The following ARMCX4 variants were observed in gnomAD, a reference collection of about 807,000 sequenced individuals.
ARMCX4 encodes armadillo repeat containing X-linked 4, also known as armadillo repeat-containing X-linked protein 4.
A neutral mutation model predicts 34.7 loss-of-function variants in ARMCX4; 3 were observed. The ratio of observed to expected loss-of-function variants is 0.09; its 90% CI spans 0.04 to 0.22. The LOEUF is 0.22. Among genes scored for constraint, ARMCX4 ranks in the 10% least tolerant of loss-of-function variants. The pLI, the probability that ARMCX4 is intolerant of heterozygous loss-of-function variation, is 1.00. For synonymous variants in ARMCX4, 513 were observed against 632.8 expected (o/e 0.81, Z 2.84); for missense variants, 1,448 against 1,720.8 (o/e 0.84, Z 2.81).
At chrX:101,530,935 G>A (rs935343823) in intron 11 of ARMCX4, among the ~76,000 whole-genome samples, 2 of 112,062 alleles carry the variant, frequency 1.8e-5, no homozygotes, top group Non-Finnish European at 3.8e-5. Flanking sequence ...TGTTACACTA[G>A]TTTCCTACTG....
intron 2 of ARMCX4, among the ~76,000 whole-genome samples, chrX:101,436,785 C>CATAG (rs1436873855): frequency 1.8e-5 from 2 of 111,409 alleles, no homozygotes; most frequent in African/African-American, 6.5e-5. Context: ...GTGGGTTTGC[C>CATAG]ATAGATAGCT....
At chrX:101,534,818 G>T (rs1935193274), downstream of ARMCX4, among the ~76,000 whole-genome samples, 2 of 111,637 alleles carry the variant, frequency 1.8e-5, no homozygotes, top group African/African-American at 6.5e-5. Context: ...TGCACAAAAT[G>T]ATCTGACCAC....
intron 4 of ARMCX4, among the ~76,000 whole-genome samples, chrX:101,453,995 T>C (rs1932128782): frequency 9.1e-6 from 1 of 110,125 alleles, no homozygotes; most frequent in South Asian, 3.9e-4. Flanking sequence ...TTGAGTAAGG[T>C]TTTAGAGATA....
chrX:101,459,469 A>G (rs1388814095), intron 4 of ARMCX4, among the ~76,000 whole-genome samples: 2 of 111,760 alleles, frequency 1.8e-5, no homozygotes, highest in Admixed American at 9.5e-5. Context: ...TATAATAGCT[A>G]TGTAGCTATA....
chrX:101,469,890 C>G (rs916627657), intron 4 of ARMCX4, among the ~76,000 whole-genome samples: 1 of 111,416 alleles, frequency 9.0e-6, no homozygotes, highest in Non-Finnish European at 1.9e-5. Context: ...CTGGAAGTTA[C>G]CACCCCTTTT....
intron 2 of ARMCX4, among the ~76,000 whole-genome samples, chrX:101,486,854 G>A (rs1172474655): frequency 9.1e-6 from 1 of 109,647 alleles, no homozygotes; most frequent in Non-Finnish European, 1.9e-5. Context: ...TTGAGCCTGG[G>A]AGGTCGAGAC....
rs1556008111 is a variant in ARMCX4, at chrX:101,489,808, A to G, written c.1219A>G (p.Ser407Gly). Reference sequence around the variant, plus strand: ...TGCTGCTCAGCCTCAAGCTGTTGCCAGTACTCACGCTGAGGCCATGTCTGA... The same window carrying G: ...TGCTGCTCAGCCTCAAGCTGTTGCCGGTACTCACGCTGAGGCCATGTCTGA... Reference protein sequence around the residue: ...RAAAQPQAVASTHAEAMSDAK... With the variant: ...RAAAQPQAVAGTHAEAMSDAK... The change falls in exon 6 of 6, where the codon AGT becomes GGT. Residue 407 changes from serine (S) to glycine (G), a missense_variant. Ser to Gly is a moderately conservative substitution (Grantham distance 56). This residue lies in a region of ARMCX4 where 1,343 missense variants were observed against 1,540.7 expected (regional missense o/e 0.87). Coordinates refer to ENST00000423738, the MANE Select transcript of ARMCX4 (RefSeq NM_001256155.3). 4 of 1,154,520 alleles carry G rather than the reference A, an allele frequency of 3.5e-6. No homozygotes were observed. The highest frequency in any genetic ancestry group is 3.6e-5 in the African/African-American group (2 of 55,860).
intron 4 of ARMCX4, among the ~76,000 whole-genome samples, chrX:101,457,066 A>G (rs1396070143): frequency 1.8e-5 from 2 of 111,488 alleles, no homozygotes; most frequent in East Asian, 5.6e-4. Flanking sequence ...ATGCTACTAC[A>G]CCCAGCTTTA....
At chrX:101,469,405 T>C (rs1337402144) in intron 4 of ARMCX4, among the ~76,000 whole-genome samples, 1 of 111,596 alleles carries the variant, frequency 9.0e-6, no homozygotes, top group South Asian at 3.7e-4. Context: ...CCAAGACATA[T>C]TGTAGAATGA....
In ARMCX4 at chrX:101,488,986, A is replaced by C; in HGVS notation, c.397A>C (p.Thr133Pro). 2 of 1,154,285 alleles carry C rather than the reference A, an allele frequency of 1.7e-6. No homozygotes were observed. The highest frequency in any genetic ancestry group is 2.3e-6 in the Non-Finnish European group (2 of 872,537). ...GGTCATGACAGAGGCAGTGACTCTG[A>C]CTGAGGTCAAGGCCAAAGCCAGGGA... ...TLVMTEAVTL[T>P]EVKAKAREVA... Residue 133 changes from threonine to proline, a missense_variant, in exon 6 of 6, where the codon ACT (threonine) becomes CCT (proline). Physicochemically the swap from Thr to Pro is conservative, Grantham distance 38 (BLOSUM62 -1). Around this residue, in one of 2 missense-constraint regions of ARMCX4, gnomAD observed 1,343 missense variants for 1,540.7 expected, o/e 0.87. Transcript: ENST00000423738.
At chrX:101,429,831 A>G (rs1295205250) in intron 2 of ARMCX4, among the ~76,000 whole-genome samples, 1 of 111,549 alleles carries the variant, frequency 9.0e-6, no homozygotes, top group Non-Finnish European at 1.9e-5. Context: ...AACTAGGGAG[A>G]GGACTTATAC....
At chrX:101,434,538 G>A (rs144262560) in intron 2 of ARMCX4, among the ~76,000 whole-genome samples, 3,199 of 111,409 alleles carry the variant, frequency 0.029, 49 homozygotes, top group Non-Finnish European at 0.045. Flanking sequence ...GAGCCACTGC[G>A]CCCGGCCATG....
rs781861927 is a variant in ARMCX4, at chrX:101,453,663, T to A, written c.-473+7619T>A. On this transcript the variant is annotated intron_variant and NMD_transcript_variant, in intron 4 of 15. Coordinates refer to the ARMCX4 transcript ENST00000433011. ...GAACTCTGAGGCTTCTGGTCACAGC[T>A]GTTTTACAGGGGTTCTCCTCTACAC... Among the ~76,000 whole-genome samples the A allele has an allele frequency of 1.6e-4, 18 of 111,062 alleles. No individual in the cohort carries two copies. In the South Asian group the frequency reaches 5.0e-3, roughly 31 times the overall value.
chrX:101,455,383 G>A (rs1442801815), intron 4 of ARMCX4, among the ~76,000 whole-genome samples: 8 of 111,468 alleles, frequency 7.2e-5, no homozygotes, highest in Non-Finnish European at 1.5e-4. Flanking sequence ...TGTCTGTGAT[G>A]AGCTTAAATC....
chrX:101,513,704 T>C (rs2147704964), intron 11 of ARMCX4, among the ~76,000 whole-genome samples: 1 of 111,517 alleles, frequency 9.0e-6, no homozygotes, highest in Non-Finnish European at 1.9e-5. Context: ...ATCCATTCCA[T>C]ATTCCCTCTG....
At chrX:101,511,238 A>G (rs1408057120) in intron 11 of ARMCX4, among the ~76,000 whole-genome samples, 1 of 110,848 alleles carries the variant, frequency 9.0e-6, no homozygotes, top group Non-Finnish European at 1.9e-5. Flanking sequence ...TACCTCCCAT[A>G]TGATAATTTT....
At position 101,432,759 on chromosome X, in the gene ARMCX4, C is replaced by T. The variant is rs782499615; in HGVS notation, n.165-11293C>T. ...ATATACGTATATATATGTGTATATA[C>T]ACGTATATATGTATACATATATGTA... On this transcript the variant is annotated intron_variant and non_coding_transcript_variant, in intron 2 of 3. Transcript: ENST00000430461. Among the ~76,000 whole-genome samples, 27 of 34,219 alleles carry T rather than the reference C, an allele frequency of 7.9e-4. 1 individual carries two copies. The highest frequency in any genetic ancestry group is 0.036 in the Middle Eastern group (2 of 55). 29.7% of individuals were successfully genotyped at this position (34,219 alleles called of 115,157 possible). A position where few individuals can be genotyped will look rare whatever the true frequency, so the allele number is the denominator to read the frequency against.
rs1299749068 is a variant in ARMCX4, at chrX:101,527,880, A to G, written c.*1781-3764A>G. On this transcript the variant is annotated intron_variant and NMD_transcript_variant, in intron 11 of 12. Coordinates refer to the ARMCX4 transcript ENST00000354842. Reference sequence around the variant, plus strand: ...AAAAAGTCCAGGACCAGACGGATTCACAGCCGAATTCTACCAGAGGTACAA... The same window carrying G: ...AAAAAGTCCAGGACCAGACGGATTCGCAGCCGAATTCTACCAGAGGTACAA... Among the ~76,000 whole-genome samples the G allele has an allele frequency of 1.8e-3, 206 of 111,876 alleles. 1 individual carries two copies. Among genetic ancestry groups the G allele is most frequent in the Non-Finnish European group, 3.3e-3 (178 of 53,188 alleles).
chrX:101,525,317 A>G (rs1475124874), intron 11 of ARMCX4, among the ~76,000 whole-genome samples: 2 of 111,886 alleles, frequency 1.8e-5, no homozygotes, highest in Non-Finnish European at 3.8e-5. Context: ...AATGTAGGTC[A>G]CCGTCATCAA....
Sources: allele counts gnomAD v4.1 joint callset (sites outside exome capture counted in the v4.1 genomes callset), GRCh38; gene constraint gnomAD v4.1.1; regional missense constraint gnomAD v4.1.1; transcripts MANE v1.5; gene names NCBI Gene and HGNC (gene_info 2026-07-23, HGNC 2026-07-21).